The following TTC6 variants were observed in gnomAD, a reference collection of about 807,000 sequenced individuals.
TTC6 encodes the protein tetratricopeptide repeat domain 6.
A neutral mutation model predicts 210.4 loss-of-function variants in TTC6; 172 were observed. The ratio of observed to expected loss-of-function variants is 0.82; its 90% confidence interval spans 0.72 to 0.93. TTC6 has a LOEUF of 0.93. Among genes scored for constraint, TTC6 ranks in the 40% least tolerant of loss-of-function variants. The probability of loss-of-function intolerance (pLI) is 0.00; values close to 1 mark genes in which losing one functional copy is unlikely to be tolerated. For synonymous variants in TTC6, 804 were observed against 819.6 expected (o/e 0.98, Z 0.32); for missense variants, 2,414 against 2,318.1 (o/e 1.04, Z -0.85).
exon 20 of TTC6, chr14:37,796,937 A>G: frequency 6.3e-7 from 1 of 1,598,864 alleles, no homozygotes. Flanking sequence ...ATGAAGGCCA[A>G]GAGAACCAAG....
chr14:37,631,620 GTGT>G (rs1273332472), intron 1 of TTC6, among the ~76,000 whole-genome samples: 1 of 152,118 alleles, frequency 6.6e-6, no homozygotes, highest in Non-Finnish European at 1.5e-5. Context: ...GAATGTCTTT[GTGT>G]TGTTCTCTGT....
In TTC6 at chr14:37,750,825, G is replaced by A. The variant is rs565594057; in HGVS notation, c.2957-228G>A. 1.1e-4 allele frequency among the ~76,000 whole-genome samples: 16 copies of A among 152,266 alleles called. No individual in the cohort carries two copies. In the South Asian group the frequency reaches 2.5e-3, roughly 24 times the overall value. On this transcript the variant is annotated intron_variant, in intron 12 of 30. Coordinates refer to ENST00000553443, the Ensembl canonical transcript of TTC6. ...GGATTGCTTGAGCCCTGGAGGTCGA[G>A]GCTGCAGTGAGCCATGATTGTGCCA...
rs183928707 is a variant in TTC6, at chr14:37,838,514, C to G, written c.5299-2931C>G. ...AATCTTGAGTCTTTGGTCTTTTCAA[C>G]AAGCTGATATTTCCTCTCTCTTTTT... On this transcript the variant is annotated intron_variant, in intron 29 of 30. Coordinates refer to ENST00000553443, the Ensembl canonical transcript of TTC6. 1.0e-3 allele frequency among the ~76,000 whole-genome samples: 152 copies of G among 152,250 alleles called. 1 individual carries two copies. Among genetic ancestry groups the G allele is most frequent in the African/African-American group, 3.5e-3 (146 of 41,554 alleles).
intron 3 of TTC6, among the ~76,000 whole-genome samples, chr14:37,692,827 C>G (rs1357933275): frequency 6.6e-6 from 1 of 151,412 alleles, no homozygotes; most frequent in Non-Finnish European, 1.5e-5. Flanking sequence ...CCACTGCACT[C>G]CAGCCTCAGC....
At chr14:37,693,391 T>C (rs1031360078) in intron 3 of TTC6, among the ~76,000 whole-genome samples, 2 of 152,138 alleles carry the variant, frequency 1.3e-5, no homozygotes, top group African/African-American at 4.8e-5. Flanking sequence ...TGGAAAGATA[T>C]TCCATGTTCA....
intron 14 of TTC6, among the ~76,000 whole-genome samples, chr14:37,781,574 G>A (rs960922834): frequency 6.6e-6 from 1 of 152,256 alleles, no homozygotes; most frequent in African/African-American, 2.4e-5. Context: ...CATTCTGTAG[G>A]TTGCCTGTTC....
intron 1 of TTC6, among the ~76,000 whole-genome samples, chr14:37,639,216 A>G (rs1304940399): frequency 6.6e-6 from 1 of 152,190 alleles, no homozygotes; most frequent in Non-Finnish European, 1.5e-5. Context: ...TTAGGAACAT[A>G]CTTTTGCACA....
At chr14:37,796,165 CT>C (rs1314816691) in intron 18 of TTC6, 128 bp from the exon 21 acceptor site, 2 of 410,042 alleles carry the variant, frequency 4.9e-6, no homozygotes, top group Admixed American at 4.7e-5. Flanking sequence ...ATAATTTTCA[CT>C]TTTTTATGCA....
intron 3 of TTC6, among the ~76,000 whole-genome samples, chr14:37,689,053 A>T (rs186308590): frequency 6.6e-6 from 1 of 152,184 alleles, no homozygotes; most frequent in Non-Finnish European, 1.5e-5. Context: ...AAGAAACTCA[A>T]AGAAATTCAA....
chr14:37,814,775 GAT>G (rs1440798812), intron 25 of TTC6, among the ~76,000 whole-genome samples: 2 of 152,128 alleles, frequency 1.3e-5, no homozygotes, highest in Non-Finnish European at 2.9e-5. Context: ...ACTAAAAAAA[GAT>G]GTGGGCAGGG....
At chr14:37,826,714 A>G (rs1337697796) in intron 28 of TTC6, among the ~76,000 whole-genome samples, 1 of 152,150 alleles carries the variant, frequency 6.6e-6, no homozygotes, top group East Asian at 1.9e-4. Flanking sequence ...CTGTAGTGAA[A>G]TGACAAGTAA....
intron 26 of TTC6, among the ~76,000 whole-genome samples, chr14:37,818,432 T>C (rs2096147468): frequency 1.3e-5 from 2 of 152,194 alleles, no homozygotes; most frequent in Admixed American, 1.3e-4. Context: ...TGATGAAATG[T>C]ATTTGGTTAA....
chr14:37,752,005 T>C (rs1040290317), intron 13 of TTC6, among the ~76,000 whole-genome samples: 1 of 151,934 alleles, frequency 6.6e-6, no homozygotes, highest in African/African-American at 2.4e-5. Flanking sequence ...TTTTGTATTT[T>C]TAGTAGAGAT....
intron 1 of TTC6, among the ~76,000 whole-genome samples, chr14:37,662,359 G>T (rs1393800881): frequency 2.6e-5 from 4 of 152,268 alleles, no homozygotes; most frequent in Non-Finnish European, 5.9e-5. Context: ...TTTTAAACAT[G>T]AAGATATGTT....
intron 10 of TTC6, among the ~76,000 whole-genome samples, chr14:37,741,408 C>T (rs1450524603): frequency 2.1e-5 from 2 of 93,886 alleles, no homozygotes; most frequent in Non-Finnish European, 5.0e-5. Flanking sequence ...CATGCCTTAG[C>T]CTCCCAAGTA....
chr14:37,603,094 A>G (rs1647474900), intron 1 of TTC6, among the ~76,000 whole-genome samples: 1 of 152,198 alleles, frequency 6.6e-6, no homozygotes, highest in Non-Finnish European at 1.5e-5. Context: ...CACTGTCCCA[A>G]GAGATGACAG....
At chr14:37,673,246 C>T (rs1379267154) in intron 1 of TTC6, among the ~76,000 whole-genome samples, 1 of 152,044 alleles carries the variant, frequency 6.6e-6, no homozygotes, top group Non-Finnish European at 1.5e-5. Flanking sequence ...AGGAGGATTC[C>T]ACAGGCCAGT....
chr14:37,805,299 A>C (rs754404897), intron 21 of TTC6, among the ~76,000 whole-genome samples: 16 of 152,198 alleles, frequency 1.1e-4, no homozygotes, highest in Non-Finnish European at 2.4e-4. Flanking sequence ...ATATTTATCC[A>C]GTCTTTGGTG....
At chr14:37,724,872 A>G (rs1377989497) in intron 6 of TTC6, 26 bp from the exon 9 acceptor site, 1 of 1,367,794 alleles carries the variant, frequency 7.3e-7, no homozygotes, top group East Asian at 2.6e-5. Context: ...TACCATTTCT[A>G]ATAACCTTTT....
Sources: gnomAD v4.1 joint callset for allele counts (sites outside exome capture counted in the v4.1 genomes callset) on GRCh38, gnomAD v4.1.1 for gene constraint, MANE v1.5 for transcripts, NCBI Gene and HGNC (gene_info 2026-07-23, HGNC 2026-07-21) for gene names.